C2: variants seen among roughly 807,000 people sequenced by gnomAD.
C2 encodes complement C2, also known as C3/C5 convertase.
C2 carries 64 observed loss-of-function variants against 85.2 expected under a neutral mutation model. That is an observed-to-expected ratio of 0.75 (90% CI 0.61 to 0.92). The LOEUF (loss-of-function observed/expected upper bound fraction) is 0.92. Ranked by LOEUF, C2 falls within the 40% of genes least tolerant of loss-of-function variation. The pLI is 0.00. For synonymous variants in C2, 311 were observed against 370.8 expected, an observed-to-expected ratio of 0.84 and a Z score of 1.85; for missense variants, 820 against 971.6, an observed-to-expected ratio of 0.84 and a Z score of 2.07.
intron 3 of C2, chr6:31,932,350 C>A (rs1057187886): frequency 9.3e-6 from 2 of 214,112 alleles, no homozygotes; most frequent in South Asian, 5.1e-5. Context: ...GGGCTCCTCA[C>A]TTCTCAGACA....
At chr6:31,937,578 GT>G in intron 8 of C2, 119 bp downstream of exon 8, 2 of 1,282,404 alleles carry the variant, frequency 1.6e-6, no homozygotes, top group Non-Finnish European at 2.2e-6. Flanking sequence ...TTTTGTTTTT[GT>G]TTTTAGAGAT....
chr6:31,914,918 C>T (rs1321700080), intron 1 of C2, among the ~76,000 whole-genome samples: 1 of 151,994 alleles, frequency 6.6e-6, no homozygotes, highest in Admixed American at 6.6e-5. Flanking sequence ...ATCACAACAA[C>T]AACAACAACA....
chr6:31,929,227 T>C (rs562301996), intron 3 of C2, among the ~76,000 whole-genome samples: 24 of 152,214 alleles, frequency 1.6e-4, no homozygotes, highest in Non-Finnish European at 3.5e-4. Context: ...AGGGAAGATA[T>C]GCTGGGAGAG....
chr6:31,929,449 G>C (rs911431594), intron 3 of C2, among the ~76,000 whole-genome samples: 9 of 152,246 alleles, frequency 5.9e-5, no homozygotes, highest in African/African-American at 1.9e-4. Context: ...CCTGGAGTGC[G>C]GTGGCTCACG....
chr6:31,908,517 G>C (rs974632645), intron 1 of C2, among the ~76,000 whole-genome samples: 1 of 151,400 alleles, frequency 6.6e-6, no homozygotes, highest in Non-Finnish European at 1.5e-5. Flanking sequence ...GCTGGGTGTG[G>C]TGGGGGTGCC....
Position 31,944,455 on chromosome 6 carries a change from C to T in C2, c.1902+229C>T, listed in dbSNP as rs183783980. Reference sequence around the variant, plus strand: ...GGAGTGCAGTGGCACGACCTCAGCTCACTGCAACTTCTGCCTCCTGGGTTC... The same window carrying T: ...GGAGTGCAGTGGCACGACCTCAGCTTACTGCAACTTCTGCCTCCTGGGTTC... On this transcript the variant is annotated intron_variant, in intron 15 of 17. Coordinates refer to ENST00000299367, the MANE Select transcript of C2 (RefSeq NM_000063.6). The surrounding 1 kb of genome is among the most constrained non-coding windows in gnomAD (Gnocchi z 5.1). Among the ~76,000 whole-genome samples the T allele has an allele frequency of 1.3e-5, 2 of 152,338 alleles. No homozygotes were observed. Among genetic ancestry groups the T allele is most frequent in the African/African-American group, 2.4e-5 (1 of 41,576 alleles).
rs1770362458 is a variant in C2 at position 31,935,859 on chromosome 6, C to T, written c.850-64C>T. 9 of 1,586,344 alleles carry T rather than the reference C, an allele frequency of 5.7e-6. No homozygotes were observed. In the South Asian group the frequency reaches 8.8e-5, roughly 16 times the overall value. Reference sequence around the variant, plus strand: ...TGCCTCCTCCAGGGCCCTTTGTTTGCTCTCTTACCATCTCCCCTTTGGCTT... The same window carrying T: ...TGCCTCCTCCAGGGCCCTTTGTTTGTTCTCTTACCATCTCCCCTTTGGCTT... On this transcript the variant is annotated intron_variant, in intron 6 of 17. Transcript: ENST00000299367. The surrounding 1 kb of genome is among the most constrained non-coding windows in gnomAD (Gnocchi z 4.3).
upstream of C2, chr6:31,897,964 C>CT (rs1766812977): frequency 1.0e-6 from 1 of 998,330 alleles, no homozygotes; most frequent in Non-Finnish European, 1.2e-6. Context: ...AGCTTCTGAA[C>CT]TTCTCGGCTC....
In C2 at chr6:31,934,365, T is replaced by A. The variant is rs758947411; in HGVS notation, c.849+66T>A. ...TGCTCACTATCTCTCTCTGTCTCCT[T>A]CCCCTCCTCAGAACCCCACTCACAG... On this transcript the variant is annotated intron_variant, in intron 6 of 17. Transcript: ENST00000299367. The A allele has an allele frequency of 2.1e-5, 33 of 1,608,028 alleles. No individual in the cohort carries two copies. Among genetic ancestry groups the A allele is most frequent in the Non-Finnish European group, 2.6e-5 (31 of 1,176,724 alleles).
At chr6:31,932,012 C>T (rs547017323) in intron 3 of C2, among the ~76,000 whole-genome samples, 4 of 142,386 alleles carry the variant, frequency 2.8e-5, no homozygotes, top group Admixed American at 6.8e-5. Context: ...ACCTCCCTCC[C>T]GGACAGAGTG....
In C2 at chr6:31,945,170, T is replaced by C. The variant is rs201806170; in HGVS notation, c.2080-8T>C. ...CAGCCTCCCAGCCAGTTCTCTCCTT[T>C]TCTCCAGGTGGGTCTGGTGAGCTGG... On this transcript the variant is annotated splice_polypyrimidine_tract_variant and splice_region_variant and intron_variant, in intron 17 of 17. Coordinates refer to ENST00000299367, the MANE Select transcript of C2 (RefSeq NM_000063.6). This position sits in a 1 kb window ranked among gnomAD's most constrained non-coding sequence, Gnocchi z 5.3. 2.7e-4 allele frequency: 438 copies of C among 1,612,924 alleles called. 1 individual carries two copies. The highest frequency in any genetic ancestry group is 3.2e-4 in the Non-Finnish European group (382 of 1,179,956).
chr6:31,901,204 G>A (rs779376110), intron 1 of C2: 17 of 1,613,336 alleles, frequency 1.1e-5, no homozygotes, highest in Middle Eastern at 3.3e-4. Context: ...CAATGGTCAC[G>A]TCGCAGAACC....
chr6:31,927,716 C>G (rs776263411), upstream of C2: 9 of 1,612,876 alleles, frequency 5.6e-6, no homozygotes, highest in East Asian at 2.0e-4. This position sits in a 1 kb window ranked among gnomAD's most constrained non-coding sequence, Gnocchi z 4.7. Flanking sequence ...TTCCCTCCCG[C>G]GGCTCTCTAC....
rs993592934 is a variant in C2, at chr6:31,922,186, A to G, written c.-100+2160A>G. ...TGGAGCACCCCAGTGATAAGGCCCAAGGGATATGGTGGGGCAAGGACAGAT... is the reference window on the plus strand; with the variant it reads ...TGGAGCACCCCAGTGATAAGGCCCAGGGGATATGGTGGGGCAAGGACAGAT... On this transcript the variant is annotated intron_variant, in intron 1 of 3. Coordinates refer to the C2 transcript ENST00000413154. The surrounding 1 kb of genome is among the most constrained non-coding windows in gnomAD (Gnocchi z 4.8). Among the ~76,000 whole-genome samples, 1 of 152,138 alleles carries G rather than the reference A, an allele frequency of 6.6e-6. No homozygotes were observed. Among genetic ancestry groups the G allele is most frequent in the African/African-American group, 2.4e-5 (1 of 41,420 alleles).
Position 31,942,878 on chromosome 6 carries a change from T to G in C2, c.1220-81T>G, listed in dbSNP as rs1352431491. 5.7e-6 allele frequency: 9 copies of G among 1,575,156 alleles called. No individual in the cohort carries two copies. In the Admixed American group the frequency reaches 8.4e-5, roughly 15 times the overall value. On this transcript the variant is annotated intron_variant, in intron 9 of 17. Transcript: ENST00000299367. ...TCATGTAGGTCTTGATTGGACACAG[T>G]GAGTTTCAGATGACAGCCTCCTGTC...
chr6:31,937,241 G>C, intron 7 of C2, 78 bp from the exon 8 acceptor site: 4 of 1,454,202 alleles, frequency 2.8e-6, no homozygotes. Flanking sequence ...CCAATAATTG[G>C]GGGAATAGAG....
chr6:31,903,320 T>C (rs537766884), intron 1 of C2, among the ~76,000 whole-genome samples: 1 of 152,354 alleles, frequency 6.6e-6, no homozygotes, highest in South Asian at 2.1e-4. Flanking sequence ...GTTGTGGGTT[T>C]TGTTTTGCAA....
chr6:31,909,253 G>A (rs1767928658), intron 1 of C2, among the ~76,000 whole-genome samples: 1 of 151,824 alleles, frequency 6.6e-6, no homozygotes, highest in Non-Finnish European at 1.5e-5. Context: ...ACCTAGGAGT[G>A]GAACTGTTGG....
chr6:31,922,580 A>C lies in C2; in HGVS notation c.-100+2554A>C, dbSNP rs1440920932. On this transcript the variant is annotated intron_variant, in intron 1 of 3. Transcript: ENST00000413154. The surrounding 1 kb of genome is among the most constrained non-coding windows in gnomAD (Gnocchi z 4.8). ...TAGGGGGCCTGGCACAGTGGCTCAC[A>C]CCTGTAATCCCAGCACTTTGGGAGG... Among the ~76,000 whole-genome samples, 2 of 152,134 alleles carry C rather than the reference A, an allele frequency of 1.3e-5. No individual in the cohort carries two copies. Among genetic ancestry groups the C allele is most frequent in the African/African-American group, 2.4e-5 (1 of 41,436 alleles).
Sources: gnomAD v4.1 joint callset for allele counts (sites outside exome capture counted in the v4.1 genomes callset) on GRCh38, gnomAD v4.1.1 for gene constraint, Gnocchi (gnomAD v3.1) non-coding constraint, MANE v1.5 for transcripts, NCBI Gene and HGNC (gene_info 2026-07-23, HGNC 2026-07-21) for gene names.